UNC79: variants seen among roughly 807,000 people sequenced by gnomAD.
UNC79 encodes protein unc-79 homolog.
A neutral mutation model predicts 283.1 loss-of-function variants in UNC79; 37 were observed. That is an observed-to-expected ratio of 0.13 (90% CI 0.10 to 0.17). The LOEUF (loss-of-function observed/expected upper bound fraction) is 0.17, where lower values mean the gene tolerates loss of function less well. UNC79 is among the 10% of genes least tolerant of loss of function. The pLI is 1.00. For synonymous variants in UNC79, 1,107 were observed against 1,200.2 expected (o/e 0.92, Z 1.61); for missense variants, 2,272 against 3,211.1 (o/e 0.71, Z 7.07).
At position 93,688,609 on chromosome 14, in the gene UNC79, G is replaced by C; in HGVS notation, c.6910-56G>C. Reference sequence around the variant, plus strand: ...GACAACCTCTTCTTTTCAAAGAATGGCCTGGAATGAATCCAGGTGTCTGCC... The same window carrying C: ...GACAACCTCTTCTTTTCAAAGAATGCCCTGGAATGAATCCAGGTGTCTGCC... On this transcript the variant is annotated intron_variant, in intron 43 of 48. Transcript: ENST00000555664. The surrounding 1 kb of genome is among the most constrained non-coding windows in gnomAD (Gnocchi z 4.0). 5 of 1,562,826 alleles carry C rather than the reference G, an allele frequency of 3.2e-6. 1 individual carries two copies. In the South Asian group the frequency reaches 4.8e-5, roughly 15 times the overall value.
intron 1 of UNC79, among the ~76,000 whole-genome samples, chr14:93,350,299 TAGGA>T (rs1413272712): frequency 6.6e-6 from 1 of 151,888 alleles, no homozygotes; most frequent in East Asian, 1.9e-4. Context: ...AAAAAGAAAA[TAGGA>T]AGTAAAAGAG....
intron 1 of UNC79, among the ~76,000 whole-genome samples, chr14:93,365,527 C>T (rs549087858): frequency 3.3e-5 from 5 of 151,740 alleles, no homozygotes; most frequent in East Asian, 1.9e-4. Flanking sequence ...AAGCAGAGAA[C>T]GATTTTTAAA....
intron 1 of UNC79, among the ~76,000 whole-genome samples, chr14:93,441,825 A>T (rs2056308442): frequency 6.6e-6 from 1 of 152,040 alleles, no homozygotes; most frequent in African/African-American, 2.4e-5. Context: ...TTCTCAGATA[A>T]ATTTATATTT....
chr14:93,459,525 A>T (rs1489944966), intron 1 of UNC79, among the ~76,000 whole-genome samples: 1 of 152,218 alleles, frequency 6.6e-6, no homozygotes, highest in African/African-American at 2.4e-5. Flanking sequence ...TGTATCACTG[A>T]ATATTATTAA....
intron 47 of UNC79, among the ~76,000 whole-genome samples, chr14:93,695,951 A>G (rs1489855910): frequency 6.7e-6 from 1 of 149,758 alleles, no homozygotes; most frequent in Non-Finnish European, 1.5e-5. Flanking sequence ...ATACCCCTTT[A>G]TAATCCTTCA....
intron 1 of UNC79, among the ~76,000 whole-genome samples, chr14:93,366,922 T>G (rs930650371): frequency 2.0e-5 from 3 of 152,162 alleles, no homozygotes; most frequent in African/African-American, 7.2e-5. Flanking sequence ...CTAGGACTCT[T>G]GATTCTTAAC....
intron 1 of UNC79, among the ~76,000 whole-genome samples, chr14:93,396,765 G>A (rs1356874842): frequency 2.2e-5 from 3 of 138,050 alleles, no homozygotes; most frequent in African/African-American, 8.3e-5. Flanking sequence ...TTTGCAAAGG[G>A]CATGTGTGTG....
chr14:93,333,191 A>C (rs1449492203), upstream of UNC79: 2 of 400,362 alleles, frequency 5.0e-6, no homozygotes, highest in Non-Finnish European at 8.8e-6. Flanking sequence ...CGTTCGCTGG[A>C]TCCATGGGAG....
At chr14:93,462,036 G>T (rs773842856) in intron 1 of UNC79, among the ~76,000 whole-genome samples, 1 of 152,158 alleles carries the variant, frequency 6.6e-6, no homozygotes, top group Non-Finnish European at 1.5e-5. Context: ...GCTAGGTGTG[G>T]TGGCTCTTGC....
chr14:93,443,816 A>G (rs1392644249), intron 1 of UNC79, among the ~76,000 whole-genome samples: 2 of 152,172 alleles, frequency 1.3e-5, no homozygotes, highest in Non-Finnish European at 2.9e-5. Flanking sequence ...TGCTCTATAT[A>G]GTCCATGGCA....
At chr14:93,500,729 AAAT>A (rs2059241471) in intron 7 of UNC79, among the ~76,000 whole-genome samples, 1 of 152,208 alleles carries the variant, frequency 6.6e-6, no homozygotes, top group African/African-American at 2.4e-5. Flanking sequence ...AAATTCACAC[AAAT>A]AATAAGGGCA....
At chr14:93,385,089 G>T (rs2054742320) in intron 1 of UNC79, among the ~76,000 whole-genome samples, 1 of 152,190 alleles carries the variant, frequency 6.6e-6, no homozygotes, top group Non-Finnish European at 1.5e-5. Flanking sequence ...CTATAGCTCT[G>T]TAGTGTATAA....
intron 1 of UNC79, among the ~76,000 whole-genome samples, chr14:93,405,937 A>G (rs35571859): frequency 0.57 from 86,138 of 151,970 alleles, 24,904 homozygotes; most frequent in Admixed American, 0.67. Context: ...GTGACCAACT[A>G]TCCTGGTTGG....
At chr14:93,455,912 T>TTGTGTGTG (rs10654684) in intron 1 of UNC79, among the ~76,000 whole-genome samples, 233 of 144,218 alleles carry the variant, frequency 1.6e-3, no homozygotes, top group African/African-American at 4.5e-3. Flanking sequence ...GTACAATGGA[T>TTGTGTGTG]TGTGTGTGTG....
intron 1 of UNC79, among the ~76,000 whole-genome samples, chr14:93,375,082 A>C (rs191814046): frequency 6.6e-6 from 1 of 152,312 alleles, no homozygotes; most frequent in Non-Finnish European, 1.5e-5. Context: ...CATTGTGGGA[A>C]TATTGAGAAG....
intron 7 of UNC79, among the ~76,000 whole-genome samples, chr14:93,514,439 C>T (rs2059966194): frequency 6.6e-6 from 1 of 152,168 alleles, no homozygotes; most frequent in African/African-American, 2.4e-5. Flanking sequence ...GCTTTGGCTA[C>T]ATTGGAAATA....
chr14:93,655,169 C>A lies in UNC79; in HGVS notation c.6283-65C>A, dbSNP rs890403978. 1.5e-5 allele frequency: 24 copies of A among 1,559,878 alleles called. No homozygotes were observed. In the African/African-American group the frequency reaches 2.9e-4, roughly 19 times the overall value. ...GATGTGACTTTTAAACTGACATTTA[C>A]CAAATAGCGCTATGCATTCCCGTGC... On this transcript the variant is annotated intron_variant, in intron 37 of 48. Transcript: ENST00000555664.
Position 93,368,393 on chromosome 14 carries a change from A to T in UNC79, c.-351+34870A>T, listed in dbSNP as rs143252921. On this transcript the variant is annotated intron_variant, in intron 1 of 49. Transcript: ENST00000256339. ...AGGGATGGATCTTCTGCAAAAGATGATGGGGAGTGGGGAGAAGGCATTTTT... is the reference window on the plus strand; with the variant it reads ...AGGGATGGATCTTCTGCAAAAGATGTTGGGGAGTGGGGAGAAGGCATTTTT... 4.6e-3 allele frequency among the ~76,000 whole-genome samples: 695 copies of T among 152,298 alleles called. 3 individuals are homozygous for T. The highest frequency in any genetic ancestry group is 0.016 in the African/African-American group (661 of 41,558).
chr14:93,596,477 A>C (rs960603120), intron 23 of UNC79, among the ~76,000 whole-genome samples: 13 of 152,218 alleles, frequency 8.5e-5, no homozygotes, highest in African/African-American at 3.1e-4. Context: ...TCTACTAAAA[A>C]TACTAAAGTT....
Sources: allele counts gnomAD v4.1 joint callset (sites outside exome capture counted in the v4.1 genomes callset), GRCh38; gene constraint gnomAD v4.1.1; non-coding constraint Gnocchi (gnomAD v3.1); transcripts MANE v1.5; gene names NCBI Gene and HGNC (gene_info 2026-07-23, HGNC 2026-07-21).